ABLIM1: variants seen among roughly 807,000 people sequenced by gnomAD.
ABLIM1 encodes the protein actin-binding LIM protein 1.
Under a neutral mutation model 107.0 loss-of-function variants are expected in ABLIM1, and 40 were observed. The ratio of observed to expected loss-of-function variants is 0.37; its 90% CI spans 0.29 to 0.49. The LOEUF (loss-of-function observed/expected upper bound fraction) is 0.49, where lower values mean the gene tolerates loss of function less well. Ranked by LOEUF, ABLIM1 falls within the 20% of genes least tolerant of loss-of-function variation. The pLI, the probability that ABLIM1 is intolerant of heterozygous loss-of-function variation, is 0.97. For missense variants in ABLIM1, 857 were observed against 1,008.5 expected (o/e 0.85, Z 2.04); for synonymous variants, 357 against 357.3 (o/e 1.00, Z 0.01).
At chr10:114,497,392 AT>A (rs772294263) in intron 6 of ABLIM1, among the ~76,000 whole-genome samples, 1 of 152,052 alleles carries the variant, frequency 6.6e-6, no homozygotes, top group Non-Finnish European at 1.5e-5. Context: ...TCACGTCCCC[AT>A]TTCTGGCCGG....
rs763703805 is a variant in ABLIM1, at chr10:114,718,030, GGA to G, written c.-213+50029_-213+50030del. ...AGGAAGGAAGGAAGGAAGGAAGGAA[GGA>G]GAAAGAGAAAGAGAAAGAAAGAAAG... On this transcript the variant is annotated intron_variant, in intron 1 of 15. Coordinates refer to the ABLIM1 transcript ENST00000651092. Among the ~76,000 whole-genome samples, 66 of 81,962 alleles carry G rather than the reference GGA, an allele frequency of 8.1e-4. 1 individual carries two copies. Among genetic ancestry groups the G allele is most frequent in the Admixed American group, 1.3e-3 (9 of 6,764 alleles). 53.8% of individuals were successfully genotyped at this position (81,962 alleles called of 152,430 possible). A position where few individuals can be genotyped will look rare whatever the true frequency, so the allele number is the denominator to read the frequency against.
intron 12 of ABLIM1, among the ~76,000 whole-genome samples, chr10:114,461,062 CTTTCT>C (rs1422804668): frequency 2.0e-5 from 3 of 151,566 alleles, no homozygotes; most frequent in Non-Finnish European, 4.4e-5. Context: ...TCTTTGTTTT[CTTTCT>C]TTTGTTTTTT....
chr10:114,684,696 T>A lies in ABLIM1; in HGVS notation c.-343A>T, dbSNP rs957339915. 1.0e-5 allele frequency: 11 copies of A among 1,077,640 alleles called. No individual in the cohort carries two copies. The African/African-American group carries it at 1.5e-4, about 14-fold the overall frequency. 66.8% of individuals were successfully genotyped at this position (1,077,640 alleles called of 1,614,324 possible). ...AACACTCGTTTCTGGGAAGCCACTA[T>A]TAGAACACGCCAAGAATGTTCCTAG... is the stretch of plus-strand genomic sequence containing the variant. On this transcript the variant is annotated 5_prime_UTR_variant, in exon 1 of 24. Coordinates refer to the ABLIM1 transcript ENST00000369256.
intron 1 of ABLIM1, among the ~76,000 whole-genome samples, chr10:114,744,302 A>C (rs1264563090): frequency 6.6e-6 from 1 of 152,170 alleles, no homozygotes; most frequent in Non-Finnish European, 1.5e-5. Context: ...TCCCCTGATC[A>C]ACCTCTAAAC....
chr10:114,592,731 T>C (rs1267129603), intron 2 of ABLIM1, among the ~76,000 whole-genome samples: 1 of 152,080 alleles, frequency 6.6e-6, no homozygotes, highest in Non-Finnish European at 1.5e-5. Context: ...GATGGGGCCA[T>C]CAGGATTTGT....
chr10:114,664,541 G>T (rs1014333997), intron 1 of ABLIM1, among the ~76,000 whole-genome samples: 2 of 151,610 alleles, frequency 1.3e-5, no homozygotes, highest in African/African-American at 4.9e-5. Context: ...TTTAAAAAAT[G>T]TTATTTTATT....
intron 1 of ABLIM1, among the ~76,000 whole-genome samples, chr10:114,708,988 C>T (rs703348): frequency 0.69 from 105,239 of 151,980 alleles, 36,473 homozygotes; most frequent in Middle Eastern, 0.72. Flanking sequence ...TTTCGAGAAG[C>T]ATTTTTTAAG....
At chr10:114,502,625 C>A (rs534266240) in intron 6 of ABLIM1, among the ~76,000 whole-genome samples, 2 of 152,060 alleles carry the variant, frequency 1.3e-5, no homozygotes, top group Non-Finnish European at 2.9e-5. Flanking sequence ...GCCACCTGAG[C>A]AGCTGGGATT....
intron 16 of ABLIM1, among the ~76,000 whole-genome samples, chr10:114,445,102 C>T (rs1310350672): frequency 6.6e-6 from 1 of 152,216 alleles, no homozygotes; most frequent in Admixed American, 6.5e-5. Flanking sequence ...AGCACCAATG[C>T]CATCTCCTCT....
intron 6 of ABLIM1, among the ~76,000 whole-genome samples, chr10:114,500,422 C>T (rs1015269601): frequency 2.0e-5 from 3 of 152,040 alleles, no homozygotes; most frequent in African/African-American, 7.3e-5. Flanking sequence ...CTACTATGGC[C>T]AAAGTGCGAT....
At chr10:114,558,119 G>A (rs1295134112) in intron 4 of ABLIM1, among the ~76,000 whole-genome samples, 1 of 152,094 alleles carries the variant, frequency 6.6e-6, no homozygotes, top group Admixed American at 6.5e-5. Flanking sequence ...TCTGTGCAGC[G>A]AGCAGCGGGA....
intron 4 of ABLIM1, among the ~76,000 whole-genome samples, chr10:114,569,022 C>T (rs1277384724): frequency 1.3e-5 from 2 of 152,100 alleles, no homozygotes; most frequent in East Asian, 1.9e-4. Flanking sequence ...AGATATCATG[C>T]TTCTATATCT....
intron 1 of ABLIM1, among the ~76,000 whole-genome samples, chr10:114,711,849 A>T (rs1008797350): frequency 6.6e-6 from 1 of 152,056 alleles, no homozygotes; most frequent in African/African-American, 2.4e-5. Flanking sequence ...CTCTCCTCCC[A>T]CCCTCAGATA....
rs372650477 is a variant in ABLIM1 at position 114,552,665 on chromosome 10, A to C, written c.674-4889T>G. ...GATATCATTTTGTTCAAAGGCAATT[A>C]ATATCCTTGACAATAGGGATATTGC... On this transcript the variant is annotated intron_variant, in intron 4 of 22. Coordinates refer to ENST00000533213, the MANE Select transcript of ABLIM1 (RefSeq NM_002313.7). Among the ~76,000 whole-genome samples, 25 of 152,352 alleles carry C rather than the reference A, an allele frequency of 1.6e-4. 1 individual carries two copies. In the East Asian group the frequency reaches 1.9e-3, roughly 12 times the overall value.
At chr10:114,723,004 A>C (rs2081883337) in intron 1 of ABLIM1, among the ~76,000 whole-genome samples, 1 of 152,170 alleles carries the variant, frequency 6.6e-6, no homozygotes, top group Non-Finnish European at 1.5e-5. Context: ...GATTATTTAC[A>C]TGTCTGTTTC....
At chr10:114,530,972 T>G (rs1430947967) in intron 6 of ABLIM1, among the ~76,000 whole-genome samples, 1 of 152,188 alleles carries the variant, frequency 6.6e-6, no homozygotes, top group African/African-American at 2.4e-5. Context: ...TATTGAGCAG[T>G]TTTCAGATGC....
At position 114,433,577 on chromosome 10, in the gene ABLIM1, GC is replaced by G. The variant is rs1173099239; in HGVS notation, c.*2682del. The G allele has an allele frequency of 1.3e-5, 2 of 152,222 alleles. No homozygotes were observed. Among genetic ancestry groups the G allele is most frequent in the Non-Finnish European group, 2.9e-5 (2 of 68,042 alleles). 9.4% of individuals were successfully genotyped at this position (152,222 alleles called of 1,614,324 possible). On this transcript the variant is annotated 3_prime_UTR_variant, in exon 23 of 23. Transcript: ENST00000533213. ...CATATGGTACTTGATATGGAAAGAA[GC>G]TTTTTTTCTTCTCAAGTTGGATGCA...
chr10:114,582,057 G>GA (rs1267907842), intron 2 of ABLIM1, among the ~76,000 whole-genome samples: 4 of 151,876 alleles, frequency 2.6e-5, no homozygotes, highest in Non-Finnish European at 5.9e-5. Context: ...ATCCAAATAG[G>GA]AAAAAAAGTC....
intron 1 of ABLIM1, among the ~76,000 whole-genome samples, chr10:114,624,538 G>A (rs1420104673): frequency 6.6e-6 from 1 of 152,178 alleles, no homozygotes; most frequent in African/African-American, 2.4e-5. Context: ...TCCAAAGTCT[G>A]ACAGTAGCTA....
Sources: allele counts gnomAD v4.1 joint callset (sites outside exome capture counted in the v4.1 genomes callset), GRCh38; gene constraint gnomAD v4.1.1; transcripts MANE v1.5; gene names NCBI Gene and HGNC (gene_info 2026-07-23, HGNC 2026-07-21).